Variants in KCNMA1 observed in about 807,000 individuals in gnomAD.
KCNMA1 encodes the protein Calcium-activated potassium channel subunit alpha-1.
KCNMA1 carries 29 observed loss-of-function variants against 140.0 expected under a neutral mutation model. That is an observed-to-expected ratio of 0.21 (90% confidence interval 0.15 to 0.28). The LOEUF (loss-of-function observed/expected upper bound fraction) is 0.28, where lower values mean the gene tolerates loss of function less well. KCNMA1 is among the 10% of genes least tolerant of loss of function. The probability of loss-of-function intolerance (pLI) is 1.00; values close to 1 mark genes in which losing one functional copy is unlikely to be tolerated. For synonymous variants in KCNMA1, 612 were observed against 611.9 expected (o/e 1.00, Z 0.00); for missense variants, 880 against 1,602.2 (o/e 0.55, Z 7.70).
intron 24 of KCNMA1, chr10:76,913,829 G>T: frequency 2.0e-6 from 1 of 501,400 alleles, no homozygotes; most frequent in South Asian, 3.3e-5. Flanking sequence ...CAGGTCAGAT[G>T]GGTGTGATCA....
rs148686875 is a variant in KCNMA1 at position 77,083,158 on chromosome 10, C to A, written c.1523+1479G>T. Among the ~76,000 whole-genome samples, 203 of 152,170 alleles carry A rather than the reference C, an allele frequency of 1.3e-3. 6 individuals are homozygous for A. In the East Asian group the frequency reaches 0.033, roughly 25 times the overall value. On this transcript the variant is annotated intron_variant, in intron 12 of 27. Coordinates refer to ENST00000286628, the MANE Select transcript of KCNMA1 (RefSeq NM_001161352.2). ...AAAAGTTCCTGGGAATGCAGTGGGA[C>A]GGAAATCCCACTGAATTTAGCTCAA...
chr10:77,212,367 T>C (rs1303726680), intron 3 of KCNMA1, among the ~76,000 whole-genome samples: 2 of 152,170 alleles, frequency 1.3e-5, no homozygotes, highest in Non-Finnish European at 2.9e-5. Context: ...AAACACTGCG[T>C]GTTCTCACTT....
intron 20 of KCNMA1, among the ~76,000 whole-genome samples, chr10:76,955,586 G>A (rs1464904907): frequency 2.0e-5 from 3 of 152,190 alleles, no homozygotes; most frequent in South Asian, 2.1e-4. Context: ...ACTCCGAGTA[G>A]CATCTCAGTG....
chr10:77,184,475 C>T (rs149085344), intron 4 of KCNMA1, among the ~76,000 whole-genome samples: 19 of 152,368 alleles, frequency 1.2e-4, no homozygotes, highest in African/African-American at 4.6e-4. Flanking sequence ...CCGCCTCAGC[C>T]TCCCAAAGCT....
intron 2 of KCNMA1, among the ~76,000 whole-genome samples, chr10:77,269,964 G>A (rs1189930685): frequency 6.6e-6 from 1 of 152,166 alleles, no homozygotes; most frequent in Admixed American, 6.5e-5. Context: ...GACAATGATT[G>A]GCCATTTGCT....
At chr10:77,268,435 T>G (rs1277335589) in intron 2 of KCNMA1, among the ~76,000 whole-genome samples, 2 of 151,936 alleles carry the variant, frequency 1.3e-5, no homozygotes, top group Admixed American at 6.6e-5. Context: ...GATGAGTAAG[T>G]GTTGTTTTTT....
At chr10:77,381,858 A>C (rs1157764620) in intron 2 of KCNMA1, among the ~76,000 whole-genome samples, 1 of 152,192 alleles carries the variant, frequency 6.6e-6, no homozygotes, top group Non-Finnish European at 1.5e-5. Flanking sequence ...TGGGGCTCTG[A>C]GAGCAAGGAT....
chr10:77,142,538 T>C (rs1036060366), intron 5 of KCNMA1, among the ~76,000 whole-genome samples: 1 of 152,162 alleles, frequency 6.6e-6, no homozygotes, highest in African/African-American at 2.4e-5. Context: ...AATAATTCTA[T>C]ATCCTAATGA....
chr10:77,478,011 A>G (rs2098312958), intron 1 of KCNMA1, among the ~76,000 whole-genome samples: 1 of 152,226 alleles, frequency 6.6e-6, no homozygotes, highest in Admixed American at 6.5e-5. Context: ...CCCTGCAGGT[A>G]CATGATACCC....
At chr10:76,957,501 T>C (rs984664960) in intron 20 of KCNMA1, among the ~76,000 whole-genome samples, 1 of 152,136 alleles carries the variant, frequency 6.6e-6, no homozygotes, top group Non-Finnish European at 1.5e-5. Flanking sequence ...TTATAAAAAT[T>C]GAAAGTAATT....
chr10:77,022,103 A>G (rs2092929195), intron 16 of KCNMA1, among the ~76,000 whole-genome samples: 1 of 152,170 alleles, frequency 6.6e-6, no homozygotes, highest in Admixed American at 6.5e-5. Flanking sequence ...TTGACCTTCT[A>G]ATAGGAACAC....
intron 15 of KCNMA1, among the ~76,000 whole-genome samples, chr10:77,037,733 A>G (rs1362373463): frequency 1.3e-5 from 2 of 152,174 alleles, no homozygotes; most frequent in Admixed American, 6.5e-5. Flanking sequence ...CAGCTCTGCT[A>G]TGTGCTCAGA....
chr10:77,183,147 C>T (rs1165411942), intron 5 of KCNMA1, among the ~76,000 whole-genome samples: 5 of 152,124 alleles, frequency 3.3e-5, no homozygotes, highest in Non-Finnish European at 7.4e-5. Context: ...GTGACAGAAC[C>T]ATGAACATAA....
At chr10:77,511,297 T>C (rs900550837) in intron 1 of KCNMA1, among the ~76,000 whole-genome samples, 1 of 152,336 alleles carries the variant, frequency 6.6e-6, no homozygotes, top group Admixed American at 6.5e-5. Flanking sequence ...ACCCCTCACA[T>C]ACAAGTTTAA....
chr10:77,221,691 A>G (rs1219479122), intron 3 of KCNMA1, among the ~76,000 whole-genome samples: 2 of 152,204 alleles, frequency 1.3e-5, no homozygotes, highest in Non-Finnish European at 2.9e-5. Context: ...ATTAAAAATT[A>G]AAAACAAACA....
At chr10:77,589,247 C>T (rs1162335933) in intron 1 of KCNMA1, among the ~76,000 whole-genome samples, 1 of 152,138 alleles carries the variant, frequency 6.6e-6, no homozygotes, top group Non-Finnish European at 1.5e-5. Context: ...GTAATTTAGT[C>T]TGGCCATGGA....
At chr10:77,615,544 C>T (rs2089101847) in intron 1 of KCNMA1, among the ~76,000 whole-genome samples, 2 of 152,296 alleles carry the variant, frequency 1.3e-5, no homozygotes, top group Admixed American at 1.3e-4. Context: ...CTCATCCAAT[C>T]CTCCGTTTTA....
chr10:76,976,344 C>T (rs1363179791), intron 19 of KCNMA1, among the ~76,000 whole-genome samples: 1 of 152,084 alleles, frequency 6.6e-6, no homozygotes, highest in East Asian at 1.9e-4. Context: ...GTATTTCTGG[C>T]TCTATTCACT....
chr10:77,565,251 C>T (rs1018213285), intron 1 of KCNMA1, among the ~76,000 whole-genome samples: 5 of 152,310 alleles, frequency 3.3e-5, no homozygotes, highest in Admixed American at 3.3e-4. Context: ...TCCAGGGATT[C>T]CCTCCCATTC....
Sources: allele counts gnomAD v4.1 joint callset (sites outside exome capture counted in the v4.1 genomes callset), GRCh38; gene constraint gnomAD v4.1.1; transcripts MANE v1.5; gene names NCBI Gene and HGNC (gene_info 2026-07-23, HGNC 2026-07-21).